MRTFA: variants seen among roughly 807,000 people sequenced by gnomAD.
MRTFA encodes the protein myocardin related transcription factor A, also known as myocardin-related transcription factor A.
In MRTFA, 20 loss-of-function variants were observed where a neutral mutation model predicts 83.5. The ratio of observed to expected loss-of-function variants is 0.24; its 90% confidence interval spans 0.17 to 0.35. MRTFA has a LOEUF of 0.35. Among genes scored for constraint, MRTFA ranks in the 10% least tolerant of loss-of-function variants. The pLI is 1.00. For synonymous variants in MRTFA, 659 were observed against 541.2 expected (o/e 1.22, Z -3.02); for missense variants, 1,200 against 1,224.7 (o/e 0.98, Z 0.30).
At chr22:40,553,000 G>A (rs888844497) in intron 2 of MRTFA, among the ~76,000 whole-genome samples, 1 of 152,196 alleles carries the variant, frequency 6.6e-6, no homozygotes, top group East Asian at 1.9e-4. Context: ...GTCTCAGATG[G>A]AGATGAGGAA....
intron 8 of MRTFA, 51 bp downstream of exon 8, chr22:40,424,155 C>A: frequency 6.6e-7 from 1 of 1,515,160 alleles, no homozygotes; most frequent in South Asian, 1.3e-5. Flanking sequence ...CCTTACTCTG[C>A]GCAGCCCTAG....
At chr22:40,504,420 A>G (rs781474820) in intron 3 of MRTFA, among the ~76,000 whole-genome samples, 1 of 152,256 alleles carries the variant, frequency 6.6e-6, no homozygotes, top group Non-Finnish European at 1.5e-5. Flanking sequence ...GATAAATGCT[A>G]TATCTAATCA....
intron 3 of MRTFA, among the ~76,000 whole-genome samples, chr22:40,514,436 G>T (rs1181250893): frequency 6.6e-6 from 1 of 151,208 alleles, no homozygotes; most frequent in South Asian, 2.1e-4. Flanking sequence ...GGGGAGGGGG[G>T]AGTTACAGAT....
intron 3 of MRTFA, among the ~76,000 whole-genome samples, chr22:40,513,822 C>G (rs1050404107): frequency 1.8e-4 from 27 of 152,002 alleles, no homozygotes; most frequent in African/African-American, 5.3e-4. Context: ...TTGGGCTGGG[C>G]GTGATGGCTC....
At chr22:40,625,634 C>T (rs937407115) in intron 1 of MRTFA, among the ~76,000 whole-genome samples, 6 of 151,870 alleles carry the variant, frequency 4.0e-5, no homozygotes, top group South Asian at 4.2e-4. Flanking sequence ...AAAAATTAGT[C>T]GGGCATGGTG....
chr22:40,426,932 T>G (rs1869672193), intron 7 of MRTFA, among the ~76,000 whole-genome samples: 1 of 152,196 alleles, frequency 6.6e-6, no homozygotes, highest in South Asian at 2.1e-4. Context: ...ACAAGGCAGG[T>G]GACTCAGAGA....
intron 14 of MRTFA, among the ~76,000 whole-genome samples, chr22:40,414,317 TGG>T (rs1406470270): frequency 2.0e-5 from 3 of 148,670 alleles, no homozygotes; most frequent in Non-Finnish European, 4.4e-5. Context: ...CACTCCAATC[TGG>T]GCAACAGACT....
intron 1 of MRTFA, among the ~76,000 whole-genome samples, chr22:40,595,116 CTTTTTTTT>C (rs778797295): frequency 8.4e-6 from 1 of 119,302 alleles, no homozygotes; most frequent in Admixed American, 8.8e-5. Context: ...TGATAAATGC[CTTTTTTTT>C]TTTTTTTTTT....
intron 3 of MRTFA, among the ~76,000 whole-genome samples, chr22:40,525,368 G>A (rs1309309307): frequency 1.7e-4 from 26 of 152,010 alleles, no homozygotes; most frequent in Non-Finnish European, 2.9e-5. Flanking sequence ...ATGTTGCCCA[G>A]GCTGGTCTTG....
chr22:40,482,335 CCCA>C (rs2054105610), intron 3 of MRTFA, among the ~76,000 whole-genome samples: 1 of 152,008 alleles, frequency 6.6e-6, no homozygotes, highest in African/African-American at 2.4e-5. Flanking sequence ...AATATTATTC[CCCA>C]CATCCTCAAA....
intron 1 of MRTFA, among the ~76,000 whole-genome samples, chr22:40,598,668 C>T (rs1569345994): frequency 6.6e-6 from 1 of 152,006 alleles, no homozygotes; most frequent in Non-Finnish European, 1.5e-5. Context: ...TGTGTGCCCC[C>T]CCAAAATTGG....
At chr22:40,508,018 A>T (rs1313884629) in intron 3 of MRTFA, among the ~76,000 whole-genome samples, 4 of 151,436 alleles carry the variant, frequency 2.6e-5, no homozygotes, top group Non-Finnish European at 2.9e-5. Context: ...TTTATATATA[A>T]AGTACGTAGA....
chr22:40,621,067 G>C (rs1379028718), intron 1 of MRTFA, among the ~76,000 whole-genome samples: 1 of 151,970 alleles, frequency 6.6e-6, no homozygotes, highest in Non-Finnish European at 1.5e-5. Flanking sequence ...TGTAGCCCCA[G>C]CTACTCAGGA....
At chr22:40,429,318 T>C in intron 7 of MRTFA, 1 of 613,386 alleles carries the variant, frequency 1.6e-6, no homozygotes, top group East Asian at 2.7e-5. Context: ...ATCTACTCTG[T>C]GAAAGAGGAA....
intron 3 of MRTFA, among the ~76,000 whole-genome samples, chr22:40,470,257 A>ATATATATATATATATATT (rs2053881692): frequency 6.3e-5 from 7 of 111,746 alleles, no homozygotes; most frequent in African/African-American, 2.9e-4. Context: ...ATATATATAT[A>ATATATATATATATATATT]TATATATATA....
chr22:40,511,460 G>A (rs2054666607), intron 3 of MRTFA, among the ~76,000 whole-genome samples: 1 of 152,152 alleles, frequency 6.6e-6, no homozygotes, highest in Non-Finnish European at 1.5e-5. Flanking sequence ...TCAGTAAACA[G>A]GTCAGGGATA....
intron 3 of MRTFA, among the ~76,000 whole-genome samples, chr22:40,549,254 C>A (rs904510073): frequency 6.6e-6 from 1 of 151,918 alleles, no homozygotes; most frequent in Non-Finnish European, 1.5e-5. Flanking sequence ...AAAATCCCAG[C>A]GAGTATACCA....
intron 3 of MRTFA, among the ~76,000 whole-genome samples, chr22:40,529,617 T>C (rs569371187): frequency 6.6e-6 from 1 of 152,298 alleles, no homozygotes; most frequent in Non-Finnish European, 1.5e-5. Context: ...AACAAATATT[T>C]TCAAATAGAT....
intron 7 of MRTFA, among the ~76,000 whole-genome samples, chr22:40,425,264 G>T (rs989609256): frequency 6.6e-6 from 1 of 151,844 alleles, no homozygotes; most frequent in Non-Finnish European, 1.5e-5. Flanking sequence ...TATTTCAAGA[G>T]TCACTGTCAG....
Sources: allele counts gnomAD v4.1 joint callset (sites outside exome capture counted in the v4.1 genomes callset), GRCh38; gene constraint gnomAD v4.1.1; transcripts MANE v1.5; gene names NCBI Gene and HGNC (gene_info 2026-07-23, HGNC 2026-07-21).